Variants in EYA1 observed in about 807,000 individuals in gnomAD.
EYA1 encodes the protein EYA transcriptional coactivator and phosphatase 1, also known as protein phosphatase EYA1.
In EYA1, 16 loss-of-function variants were observed where a neutral mutation model predicts 82.0. The observed-to-expected ratio is 0.20, with a 90% CI of 0.13 to 0.30. EYA1 has a LOEUF of 0.30. Among genes scored for constraint, EYA1 ranks in the 10% least tolerant of loss-of-function variants. The probability of loss-of-function intolerance (pLI) is 1.00; values close to 1 mark genes in which losing one functional copy is unlikely to be tolerated. For synonymous variants in EYA1, 261 were observed against 264.4 expected, an observed-to-expected ratio of 0.99 and a Z score of 0.12; for missense variants, 633 against 730.7, an observed-to-expected ratio of 0.87 and a Z score of 1.54.
chr8:71,326,224 T>C (rs911798449), intron 4 of EYA1, among the ~76,000 whole-genome samples: 1 of 152,130 alleles, frequency 6.6e-6, no homozygotes. Context: ...AAAAGAACTC[T>C]CGAAATTGGC....
At chr8:71,219,098 T>TAACA (rs1389734499) in intron 12 of EYA1, among the ~76,000 whole-genome samples, 1 of 152,184 alleles carries the variant, frequency 6.6e-6, no homozygotes, top group African/African-American at 2.4e-5. Flanking sequence ...AGTTATCCTC[T>TAACA]AACAGCTGTG....
At chr8:71,542,282 T>C (rs1013392039) in intron 1 of EYA1, among the ~76,000 whole-genome samples, 4 of 140,326 alleles carry the variant, frequency 2.9e-5, no homozygotes, top group Non-Finnish European at 6.6e-5. Flanking sequence ...TGTGTTCTTA[T>C]CATTCAGCAC....
chr8:71,333,040 C>T (rs1209796772), intron 4 of EYA1, among the ~76,000 whole-genome samples: 1 of 152,186 alleles, frequency 6.6e-6, no homozygotes, highest in Non-Finnish European at 1.5e-5. Context: ...CTTCCCTCTG[C>T]ATCATCAAAC....
chr8:71,406,176 A>C (rs1209608072), intron 2 of EYA1, among the ~76,000 whole-genome samples: 1 of 152,246 alleles, frequency 6.6e-6, no homozygotes, highest in Non-Finnish European at 1.5e-5. Context: ...GCAATAAATG[A>C]AGATAAAAGA....
At chr8:71,321,698 G>A (rs1428348221) in intron 6 of EYA1, 36 bp downstream of exon 6, 2 of 1,610,622 alleles carry the variant, frequency 1.2e-6, no homozygotes, top group South Asian at 2.2e-5. Context: ...GCATGCCCAT[G>A]CGATAACGCC....
At chr8:71,545,993 A>G (rs1039294220) in intron 1 of EYA1, among the ~76,000 whole-genome samples, 8 of 152,216 alleles carry the variant, frequency 5.3e-5, no homozygotes, top group African/African-American at 1.9e-4. Flanking sequence ...ATTTTGTCTG[A>G]CATCCATCCC....
chr8:71,347,547 C>T (rs1825863501), intron 3 of EYA1, among the ~76,000 whole-genome samples: 1 of 152,110 alleles, frequency 6.6e-6, no homozygotes, highest in Non-Finnish European at 1.5e-5. Context: ...TAGTCTCGAT[C>T]TCCTGACCTT....
At chr8:71,494,865 A>C (rs779264103) in intron 2 of EYA1, among the ~76,000 whole-genome samples, 4 of 152,088 alleles carry the variant, frequency 2.6e-5, no homozygotes, top group Non-Finnish European at 4.4e-5. Flanking sequence ...ATATTCATTA[A>C]ACAAGTTCAC....
intron 9 of EYA1, among the ~76,000 whole-genome samples, chr8:71,281,251 G>T (rs1817782434): frequency 6.6e-6 from 1 of 151,252 alleles, no homozygotes; most frequent in Non-Finnish European, 1.5e-5. Context: ...GTCTGAGAAT[G>T]TTTTTTTCTT....
intron 4 of EYA1, chr8:71,323,875 C>A (rs1026088915): frequency 2.6e-5 from 4 of 152,226 alleles, no homozygotes; most frequent in Admixed American, 2.0e-4. Flanking sequence ...ATGAGCACTA[C>A]CACTTGCCCA....
intron 11 of EYA1, 134 bp downstream of exon 11, chr8:71,269,606 A>G (rs751232013): frequency 1.8e-4 from 105 of 593,054 alleles, no homozygotes; most frequent in Non-Finnish European, 2.8e-4. Flanking sequence ...TTACATATAT[A>G]TATTTGACTA....
chr8:71,218,736 T>C (rs1397084565), intron 12 of EYA1, among the ~76,000 whole-genome samples: 3 of 152,156 alleles, frequency 2.0e-5, no homozygotes, highest in African/African-American at 7.2e-5. Flanking sequence ...TTCGACAACA[T>C]ACTAAATCCT....
At chr8:71,462,591 G>T (rs563172088) in intron 2 of EYA1, among the ~76,000 whole-genome samples, 2 of 152,220 alleles carry the variant, frequency 1.3e-5, no homozygotes, top group Admixed American at 1.3e-4. Context: ...CCCCAGGGTG[G>T]CAGGCTCCGG....
chr8:71,387,835 A>G (rs1829050756), intron 2 of EYA1, among the ~76,000 whole-genome samples: 1 of 152,170 alleles, frequency 6.6e-6, no homozygotes, highest in Non-Finnish European at 1.5e-5. Context: ...TTAGAAATGC[A>G]GTGGAGACTA....
At chr8:71,254,018 G>T (rs1900079) in intron 11 of EYA1, among the ~76,000 whole-genome samples, 73,696 of 151,852 alleles carry the variant, frequency 0.49, 20,666 homozygotes, top group African/African-American at 0.78. Context: ...CAAGGCTACA[G>T]ATATTTGATT....
chr8:71,373,794 T>TA (rs1229954098), intron 2 of EYA1, among the ~76,000 whole-genome samples: 4 of 152,072 alleles, frequency 2.6e-5, no homozygotes, highest in African/African-American at 9.7e-5. Context: ...AACAGACACA[T>TA]ACACCAATGG....
At chr8:71,272,874 T>C (rs1239500660) in intron 9 of EYA1, among the ~76,000 whole-genome samples, 2 of 152,166 alleles carry the variant, frequency 1.3e-5, no homozygotes, top group Non-Finnish European at 2.9e-5. Context: ...TGAGGAATGA[T>C]TATTTTCCCT....
At chr8:71,255,148 T>C (rs1814252359) in intron 11 of EYA1, among the ~76,000 whole-genome samples, 1 of 152,148 alleles carries the variant, frequency 6.6e-6, no homozygotes, top group Non-Finnish European at 1.5e-5. Context: ...GGATGAAAGA[T>C]ATAGTGTTAA....
chr8:71,429,662 A>T (rs571934810), intron 2 of EYA1, among the ~76,000 whole-genome samples: 1 of 152,138 alleles, frequency 6.6e-6, no homozygotes, highest in Admixed American at 6.5e-5. Flanking sequence ...TCCTCAAAAA[A>T]TATGTATTAA....
Sources: gnomAD v4.1 joint callset for allele counts (sites outside exome capture counted in the v4.1 genomes callset) on GRCh38, gnomAD v4.1.1 for gene constraint, MANE v1.5 for transcripts, NCBI Gene and HGNC (gene_info 2026-07-23, HGNC 2026-07-21) for gene names.